ZNF385D: variants seen among roughly 807,000 people sequenced by gnomAD.
The protein encoded by ZNF385D is zinc finger protein 659.
In ZNF385D, 15 loss-of-function variants were observed where a neutral mutation model predicts 35.8. That is an observed-to-expected ratio of 0.42 (90% CI 0.28 to 0.64). ZNF385D has a LOEUF of 0.64. Ranked by LOEUF, ZNF385D falls within the 30% of genes least tolerant of loss-of-function variation. The pLI is 0.23. For synonymous variants in ZNF385D, 212 were observed against 186.8 expected, an observed-to-expected ratio of 1.13 and a Z score of -1.10; for missense variants, 474 against 494.6, an observed-to-expected ratio of 0.96 and a Z score of 0.39.
intron 3 of ZNF385D, among the ~76,000 whole-genome samples, chr3:22,011,415 GTTA>G (rs1278963802): frequency 6.6e-6 from 1 of 152,010 alleles, no homozygotes; most frequent in African/African-American, 2.4e-5. Flanking sequence ...CCAATACTGG[GTTA>G]TTATTCATTT....
chr3:21,911,530 T>A (rs1046845509), intron 3 of ZNF385D, among the ~76,000 whole-genome samples: 31 of 151,996 alleles, frequency 2.0e-4, no homozygotes, highest in Non-Finnish European at 7.4e-5. Context: ...TCCTAGTATT[T>A]CACCTCATAA....
chr3:21,934,527 G>C (rs1414395621), intron 3 of ZNF385D, among the ~76,000 whole-genome samples: 1 of 152,136 alleles, frequency 6.6e-6, no homozygotes, highest in Non-Finnish European at 1.5e-5. Context: ...CTTTTTACCA[G>C]ATGACCTCTT....
intron 3 of ZNF385D, among the ~76,000 whole-genome samples, chr3:21,899,410 C>G (rs1008954292): frequency 1.3e-5 from 2 of 152,128 alleles, no homozygotes; most frequent in African/African-American, 4.8e-5. Context: ...TTTCAGAAAA[C>G]ATCAGAGTTA....
chr3:22,220,522 C>T (rs1477084797), intron 2 of ZNF385D, among the ~76,000 whole-genome samples: 1 of 152,174 alleles, frequency 6.6e-6, no homozygotes, highest in Non-Finnish European at 1.5e-5. Context: ...AGTCCTTGAT[C>T]ATCTGAATCT....
chr3:22,222,687 T>C (rs939286412), intron 2 of ZNF385D, among the ~76,000 whole-genome samples: 2 of 152,112 alleles, frequency 1.3e-5, no homozygotes, highest in Admixed American at 6.6e-5. Context: ...CCACCTTCCA[T>C]AGTGTAAAAG....
intron 3 of ZNF385D, among the ~76,000 whole-genome samples, chr3:21,556,450 G>A (rs975917477): frequency 2.0e-5 from 3 of 152,138 alleles, no homozygotes; most frequent in African/African-American, 7.2e-5. Flanking sequence ...TGGTTAGCCA[G>A]TTTTCTCAAC....
chr3:22,152,990 T>C (rs1371668199), intron 3 of ZNF385D, among the ~76,000 whole-genome samples: 1 of 152,168 alleles, frequency 6.6e-6, no homozygotes, highest in Non-Finnish European at 1.5e-5. Flanking sequence ...GACACATTGG[T>C]AGCTTAAAAT....
intron 1 of ZNF385D, among the ~76,000 whole-genome samples, chr3:21,736,867 C>T (rs1395712582): frequency 6.6e-6 from 1 of 152,176 alleles, no homozygotes; most frequent in African/African-American, 2.4e-5. Context: ...AGAAATTCAT[C>T]AATAAAAAAT....
intron 4 of ZNF385D, among the ~76,000 whole-genome samples, chr3:21,478,941 C>T (rs1704418218): frequency 6.6e-6 from 1 of 151,762 alleles, no homozygotes; most frequent in African/African-American, 2.4e-5. Context: ...TCATATAAGT[C>T]TTTCAAAATG....
At position 21,895,617 on chromosome 3, in the gene ZNF385D, A is replaced by G. The variant is rs184165725; in HGVS notation, c.326-230589T>C. Reference sequence around the variant, plus strand: ...CGGCCTCCCAAAGTGCTGGGATTACAGGTATGAGCCACCATGCCTGGCCCA... The same window carrying G: ...CGGCCTCCCAAAGTGCTGGGATTACGGGTATGAGCCACCATGCCTGGCCCA... On this transcript the variant is annotated intron_variant, in intron 3 of 5. Transcript: ENST00000494108. 2.0e-3 allele frequency among the ~76,000 whole-genome samples: 310 copies of G among 151,638 alleles called. 3 individuals are homozygous for G. The South Asian group carries it at 0.038, about 19-fold the overall frequency.
At chr3:21,480,066 G>A (rs905917910) in intron 4 of ZNF385D, among the ~76,000 whole-genome samples, 2 of 151,228 alleles carry the variant, frequency 1.3e-5, no homozygotes, top group Non-Finnish European at 1.5e-5. Context: ...TAATAAACAC[G>A]GTGGGCCCAT....
At chr3:22,229,160 G>A (rs1307804877) in intron 2 of ZNF385D, among the ~76,000 whole-genome samples, 1 of 152,012 alleles carries the variant, frequency 6.6e-6, no homozygotes. Flanking sequence ...CTCCTTCCCT[G>A]GTCCTTTCTC....
chr3:21,863,157 C>A (rs1697152190), intron 3 of ZNF385D, among the ~76,000 whole-genome samples: 1 of 152,036 alleles, frequency 6.6e-6, no homozygotes, highest in Non-Finnish European at 1.5e-5. Flanking sequence ...GAGTTCATAT[C>A]CAAGCAAAAT....
intron 2 of ZNF385D, among the ~76,000 whole-genome samples, chr3:22,187,427 A>G (rs1008556859): frequency 6.6e-6 from 1 of 152,130 alleles, no homozygotes; most frequent in Non-Finnish European, 1.5e-5. Flanking sequence ...TCAACTTATA[A>G]AATATGAAAA....
chr3:21,848,112 T>C (rs1455224342), intron 3 of ZNF385D, among the ~76,000 whole-genome samples: 1 of 152,168 alleles, frequency 6.6e-6, no homozygotes, highest in African/African-American at 2.4e-5. Context: ...CTTAGCCCAA[T>C]TGACTTATTT....
chr3:21,966,863 T>C (rs955890695), intron 3 of ZNF385D, among the ~76,000 whole-genome samples: 1 of 152,212 alleles, frequency 6.6e-6, no homozygotes, highest in Non-Finnish European at 1.5e-5. Flanking sequence ...TTATAGGGAT[T>C]ATAGCGCTGC....
At chr3:21,752,001 ACACCCACCCCCCTCCCCCCCCCAC>A (rs2070116023), upstream of ZNF385D, among the ~76,000 whole-genome samples, 1 of 80,574 alleles carries the variant, frequency 1.2e-5, no homozygotes, top group Non-Finnish European at 2.8e-5. Flanking sequence ...ACACACACAC[ACACCCACCCCCCTCCCCCCCCCAC>A]CACACACACA....
intron 2 of ZNF385D, among the ~76,000 whole-genome samples, chr3:22,344,898 C>A (rs1695588027): frequency 6.6e-6 from 1 of 152,122 alleles, no homozygotes; most frequent in South Asian, 2.1e-4. Context: ...TGACAGTGAC[C>A]TGGGAAGATT....
intron 2 of ZNF385D, among the ~76,000 whole-genome samples, chr3:22,271,317 C>A (rs1701165571): frequency 6.6e-6 from 1 of 151,874 alleles, no homozygotes; most frequent in Admixed American, 6.6e-5. Flanking sequence ...TTGGAGAAGA[C>A]TAATTTGGAT....
Sources: gnomAD v4.1 joint callset for allele counts (sites outside exome capture counted in the v4.1 genomes callset) on GRCh38, gnomAD v4.1.1 for gene constraint, MANE v1.5 for transcripts, NCBI Gene and HGNC (gene_info 2026-07-23, HGNC 2026-07-21) for gene names.